RALGPS1: variants seen among roughly 807,000 people sequenced by gnomAD.
The protein encoded by RALGPS1 is Ral GEF with PH domain and SH3 binding motif 1, also known as ras-specific guanine nucleotide-releasing factor RalGPS1.
RALGPS1 carries 19 observed loss-of-function variants against 78.8 expected under a neutral mutation model. The ratio of observed to expected loss-of-function variants is 0.24; its 90% confidence interval spans 0.17 to 0.35. The LOEUF is 0.35. Among genes scored for constraint, RALGPS1 ranks in the 10% least tolerant of loss-of-function variants. RALGPS1 has a pLI of 1.00. For synonymous variants in RALGPS1, 228 were observed against 256.3 expected, an observed-to-expected ratio of 0.89 and a Z score of 1.06; for missense variants, 454 against 688.3, an observed-to-expected ratio of 0.66 and a Z score of 3.81.
intron 4 of RALGPS1, among the ~76,000 whole-genome samples, chr9:127,024,610 A>C (rs1403168504): frequency 6.6e-6 from 1 of 152,146 alleles, no homozygotes; most frequent in East Asian, 1.9e-4. Context: ...AGTCAAGCCA[A>C]GTACTATGCC....
At chr9:127,128,695 G>A (rs4837131) in intron 8 of RALGPS1, among the ~76,000 whole-genome samples, 166 of 152,332 alleles carry the variant, frequency 1.1e-3, no homozygotes, top group Admixed American at 1.9e-3. Context: ...TTGAAGGCGC[G>A]TGGTCAGGTC....
intron 1 of RALGPS1, among the ~76,000 whole-genome samples, chr9:126,943,382 A>G (rs1434520962): frequency 6.6e-6 from 1 of 152,102 alleles, no homozygotes; most frequent in Non-Finnish European, 1.5e-5. Flanking sequence ...ACCTCAAGTG[A>G]TCTGCCCTCC....
In RALGPS1 at chr9:127,091,672, G is replaced by A; in HGVS notation, c.610+22316G>A. 1.2e-6 allele frequency: 2 copies of A among 1,613,454 alleles called. No homozygotes were observed. The highest frequency in any genetic ancestry group is 1.1e-5 in the South Asian group (1 of 91,038). On this transcript the variant is annotated intron_variant, in intron 8 of 18. Transcript: ENST00000259351. This position sits in a 1 kb window ranked among gnomAD's most constrained non-coding sequence, Gnocchi z 4.3. ...GGGTTTGACTCCACTTTTCCTACCT[G>A]TGTAGACATCATGATCTCTGTCCAG... is the stretch of plus-strand genomic sequence containing the variant.
At chr9:127,059,723 G>A (rs1371442766) in intron 7 of RALGPS1, among the ~76,000 whole-genome samples, 1 of 151,924 alleles carries the variant, frequency 6.6e-6, no homozygotes, top group South Asian at 2.1e-4. Flanking sequence ...TGTTCCAGCT[G>A]TCTGCTGCAT....
chr9:127,170,254 TACAG>T (rs2059501287), intron 10 of RALGPS1, among the ~76,000 whole-genome samples: 1 of 152,174 alleles, frequency 6.6e-6, no homozygotes, highest in South Asian at 2.1e-4. Flanking sequence ...TGGTCAGCTT[TACAG>T]GAGTGGTCTG....
intron 1 of RALGPS1, among the ~76,000 whole-genome samples, chr9:126,923,324 G>A (rs865952264): frequency 2.0e-5 from 3 of 152,336 alleles, no homozygotes; most frequent in Non-Finnish European, 2.9e-5. Flanking sequence ...CCAAGATGTA[G>A]CTGTGAGAGA....
chr9:127,013,845 T>C (rs866890652), intron 4 of RALGPS1, among the ~76,000 whole-genome samples: 2 of 152,190 alleles, frequency 1.3e-5, no homozygotes, highest in Non-Finnish European at 2.9e-5. Context: ...TGAACCTACC[T>C]CCAGGCCTGT....
chr9:127,152,420 A>G (rs1260875910), intron 8 of RALGPS1, among the ~76,000 whole-genome samples: 1 of 152,190 alleles, frequency 6.6e-6, no homozygotes, highest in East Asian at 1.9e-4. Flanking sequence ...GGAAGTAGCA[A>G]TCTACAAATG....
chr9:126,986,486 G>T (rs1588850656), intron 4 of RALGPS1, among the ~76,000 whole-genome samples: 1 of 152,142 alleles, frequency 6.6e-6, no homozygotes, highest in Non-Finnish European at 1.5e-5. Flanking sequence ...GAAGGTCCTG[G>T]TGGTAGCAGC....
intron 11 of RALGPS1, among the ~76,000 whole-genome samples, chr9:127,190,019 A>G (rs984778384): frequency 6.6e-6 from 1 of 152,200 alleles, no homozygotes; most frequent in East Asian, 1.9e-4. Flanking sequence ...TGTCCTCACT[A>G]TCCGTATTTA....
chr9:127,060,727 A>G (rs1435812271), intron 7 of RALGPS1, among the ~76,000 whole-genome samples: 1 of 152,032 alleles, frequency 6.6e-6, no homozygotes, highest in Non-Finnish European at 1.5e-5. Flanking sequence ...TCCAAAACAT[A>G]CCTTCAAGGT....
intron 13 of RALGPS1, among the ~76,000 whole-genome samples, chr9:127,197,724 C>T (rs907570728): frequency 5.9e-5 from 9 of 152,224 alleles, no homozygotes; most frequent in South Asian, 4.1e-4. Flanking sequence ...ACGATGTGTC[C>T]GGGGTTACGA....
At chr9:126,967,214 TC>T (rs2039596329) in intron 3 of RALGPS1, among the ~76,000 whole-genome samples, 1 of 152,080 alleles carries the variant, frequency 6.6e-6, no homozygotes, top group African/African-American at 2.4e-5. Context: ...CTTCAAACTC[TC>T]TAGTGGCTCC....
At chr9:127,038,884 GTGAT>G (rs2047067508) in intron 5 of RALGPS1, among the ~76,000 whole-genome samples, 3 of 152,288 alleles carry the variant, frequency 2.0e-5, no homozygotes, top group South Asian at 4.2e-4. Flanking sequence ...ACAGCCCTTG[GTGAT>G]TGATTGGTTA....
At chr9:127,184,321 G>GA in intron 11 of RALGPS1, 7 of 259,014 alleles carry the variant, frequency 2.7e-5, no homozygotes, top group South Asian at 4.4e-5. Flanking sequence ...CCTTGTCTCA[G>GA]GAAAAAAAAA....
chr9:127,169,087 G>T (rs919991869), intron 10 of RALGPS1, among the ~76,000 whole-genome samples: 12 of 152,310 alleles, frequency 7.9e-5, no homozygotes, highest in Non-Finnish European at 1.6e-4. Context: ...ACATGGCGTG[G>T]ATAATATGAA....
chr9:127,043,799 CTCACCAAAGAAGATATGCAGA>C (rs1320921877), intron 5 of RALGPS1, among the ~76,000 whole-genome samples: 1 of 152,122 alleles, frequency 6.6e-6, no homozygotes, highest in Non-Finnish European at 1.5e-5. Flanking sequence ...CTGAAGAAAG[CTCACCAAAGAAGATATGCAGA>C]TGGCAAATAA....
chr9:127,153,599 T>A (rs1024056949), intron 8 of RALGPS1, among the ~76,000 whole-genome samples: 4 of 151,990 alleles, frequency 2.6e-5, no homozygotes, highest in African/African-American at 9.7e-5. Context: ...CATCACTGAG[T>A]GAGCTGGTTC....
chr9:127,062,420 A>G (rs1321496971), intron 7 of RALGPS1, among the ~76,000 whole-genome samples: 2 of 152,232 alleles, frequency 1.3e-5, no homozygotes, highest in African/African-American at 4.8e-5. Flanking sequence ...TTAAAAAGAT[A>G]AAATCATGAC....
Sources: gnomAD v4.1 joint callset for allele counts (sites outside exome capture counted in the v4.1 genomes callset) on GRCh38, gnomAD v4.1.1 for gene constraint, Gnocchi (gnomAD v3.1) non-coding constraint, MANE v1.5 for transcripts, NCBI Gene and HGNC (gene_info 2026-07-23, HGNC 2026-07-21) for gene names.